VTI1A: variants seen among roughly 807,000 people sequenced by gnomAD.
The protein encoded by VTI1A is vesicle transport through interaction with t-SNAREs homolog 1A.
VTI1A carries 22 observed loss-of-function variants against 34.9 expected under a neutral mutation model. The ratio of observed to expected loss-of-function variants is 0.63; its 90% CI spans 0.45 to 0.90. The LOEUF (loss-of-function observed/expected upper bound fraction) is 0.90. Ranked by LOEUF, VTI1A falls within the 40% of genes least tolerant of loss-of-function variation. The pLI is 0.00. For synonymous variants in VTI1A, 87 were observed against 97.3 expected (o/e 0.89, Z 0.62); for missense variants, 268 against 275.6 (o/e 0.97, Z 0.20).
chr10:112,690,741 A>G (rs1377168846), intron 7 of VTI1A, among the ~76,000 whole-genome samples: 9 of 152,252 alleles, frequency 5.9e-5, no homozygotes, highest in African/African-American at 1.9e-4. Context: ...TGAAAAATAT[A>G]GAGCATGTGA....
At chr10:112,614,412 G>T (rs1388209276) in intron 5 of VTI1A, among the ~76,000 whole-genome samples, 1 of 152,084 alleles carries the variant, frequency 6.6e-6, no homozygotes, top group African/African-American at 2.4e-5. Context: ...TTAATATTTG[G>T]TTCACTCTTT....
At chr10:112,542,174 A>G (rs1850895444) in intron 5 of VTI1A, among the ~76,000 whole-genome samples, 2 of 152,186 alleles carry the variant, frequency 1.3e-5, no homozygotes, top group African/African-American at 4.8e-5. Context: ...CACAAAACTA[A>G]TGGGAGCTGT....
intron 7 of VTI1A, among the ~76,000 whole-genome samples, chr10:112,771,027 A>G (rs1202948382): frequency 6.6e-6 from 1 of 152,120 alleles, no homozygotes; most frequent in Non-Finnish European, 1.5e-5. Context: ...AATGGAGAAG[A>G]CTTCGGGATT....
At chr10:112,671,799 A>G (rs1847859081) in intron 7 of VTI1A, 2 of 152,236 alleles carry the variant, frequency 1.3e-5, no homozygotes, top group Admixed American at 6.5e-5. Flanking sequence ...CTAAATAATC[A>G]TCTACCACTC....
At chr10:112,516,501 G>A (rs1204874090) in intron 3 of VTI1A, among the ~76,000 whole-genome samples, 1 of 151,936 alleles carries the variant, frequency 6.6e-6, no homozygotes, top group Non-Finnish European at 1.5e-5. Context: ...TATTCTGTTA[G>A]AAAAGGTATC....
At chr10:112,825,650 G>C in the VTI1A span, 29 of 152,290 alleles carry the variant, frequency 1.9e-4, no homozygotes, top group Non-Finnish European at 7.3e-5. Context: ...GTGTTTGTGT[G>C]TTCCCCAAGT....
chr10:112,713,217 G>A (rs1056536235), intron 7 of VTI1A, among the ~76,000 whole-genome samples: 2 of 152,092 alleles, frequency 1.3e-5, no homozygotes, highest in South Asian at 2.1e-4. Context: ...CCAGCCCAAT[G>A]GAGCACTAGT....
chr10:112,811,655 G>A (rs1022277875), intron 7 of VTI1A, among the ~76,000 whole-genome samples: 12 of 126,482 alleles, frequency 9.5e-5, no homozygotes, highest in Non-Finnish European at 1.6e-4. Flanking sequence ...CTGCACTCCA[G>A]CCTGGGCGAC....
At chr10:112,515,516 T>C (rs1329695973) in intron 3 of VTI1A, among the ~76,000 whole-genome samples, 1 of 152,094 alleles carries the variant, frequency 6.6e-6, no homozygotes, top group East Asian at 1.9e-4. Flanking sequence ...AGTTTTTGCT[T>C]GTTCTTTATG....
chr10:112,821,336 C>A (rs957623328), downstream of VTI1A, among the ~76,000 whole-genome samples: 1 of 152,172 alleles, frequency 6.6e-6, no homozygotes, highest in Non-Finnish European at 1.5e-5. Context: ...CCCCCTCCCA[C>A]TTCCCCGGCC....
At chr10:112,674,459 C>G (rs1475467346) in intron 7 of VTI1A, among the ~76,000 whole-genome samples, 1 of 152,180 alleles carries the variant, frequency 6.6e-6, no homozygotes, top group Non-Finnish European at 1.5e-5. Context: ...TCAAGGCCAG[C>G]ATGGGTAACG....
chr10:112,449,352 T>A (rs1213120702), intron 1 of VTI1A: 1 of 152,242 alleles, frequency 6.6e-6, no homozygotes, highest in African/African-American at 2.4e-5. Context: ...GATGCAAAGT[T>A]GTAAATTTCC....
rs546904476 is a variant in VTI1A, at chr10:112,594,649, T to G, written c.427+56319T>G. Among the ~76,000 whole-genome samples the G allele has an allele frequency of 7.7e-4, 117 of 151,988 alleles. 1 individual carries two copies. The highest frequency in any genetic ancestry group is 1.7e-3 in the South Asian group (8 of 4,800). On this transcript the variant is annotated intron_variant, in intron 5 of 7. Transcript: ENST00000393077. ...AGGAGAACTACAAACCACTGCTCAA[T>G]GAAATAAAAGAGGATACAAAGAAAT...
At chr10:112,651,599 G>T (rs184783030) in intron 5 of VTI1A, among the ~76,000 whole-genome samples, 1,607 of 152,326 alleles carry the variant, frequency 0.011, 16 homozygotes, top group South Asian at 0.024. Context: ...GTAAGCCACC[G>T]TGCCTGGCCT....
chr10:112,609,663 CT>C (rs1395625477), intron 5 of VTI1A, among the ~76,000 whole-genome samples: 2 of 152,098 alleles, frequency 1.3e-5, no homozygotes, highest in Non-Finnish European at 2.9e-5. Context: ...CTTCTGAATA[CT>C]TTGTCATCAT....
intron 7 of VTI1A, among the ~76,000 whole-genome samples, chr10:112,810,268 TG>T (rs1482215249): frequency 1.3e-5 from 2 of 151,852 alleles, no homozygotes; most frequent in African/African-American, 4.8e-5. Context: ...CTGGACATGG[TG>T]GCAGGTGCCT....
chr10:112,537,429 C>CA (rs936156236), intron 4 of VTI1A, among the ~76,000 whole-genome samples: 4 of 145,812 alleles, frequency 2.7e-5, no homozygotes, highest in South Asian at 2.2e-4. Context: ...ATTATGGTTA[C>CA]AAAAAAAATC....
chr10:112,547,875 T>C (rs982618831), intron 5 of VTI1A, among the ~76,000 whole-genome samples: 1 of 152,190 alleles, frequency 6.6e-6, no homozygotes, highest in Non-Finnish European at 1.5e-5. Flanking sequence ...TATCTAGTTC[T>C]TTTTAAAGAA....
chr10:112,708,117 T>C (rs1398424224), intron 7 of VTI1A, among the ~76,000 whole-genome samples: 3 of 152,238 alleles, frequency 2.0e-5, no homozygotes, highest in Non-Finnish European at 2.9e-5. Context: ...CAAGGACTCA[T>C]TGCTTCTCAC....
Sources: gnomAD v4.1 joint callset for allele counts (sites outside exome capture counted in the v4.1 genomes callset) on GRCh38, gnomAD v4.1.1 for gene constraint, MANE v1.5 for transcripts, NCBI Gene and HGNC (gene_info 2026-07-23, HGNC 2026-07-21) for gene names.